The following IMMP2L variants were observed in gnomAD, a reference collection of about 807,000 sequenced individuals.
IMMP2L encodes the protein inner mitochondrial membrane peptidase subunit 2.
IMMP2L carries 18 observed loss-of-function variants against 19.3 expected under a neutral mutation model. The observed-to-expected ratio is 0.93, with a 90% CI of 0.64 to 1.38. The LOEUF (loss-of-function observed/expected upper bound fraction) is 1.38. Among genes scored for constraint, IMMP2L ranks in the 40% most tolerant of loss-of-function variants. IMMP2L has a pLI of 0.00. For synonymous variants in IMMP2L, 76 were observed against 73.0 expected (o/e 1.04, Z -0.21); for missense variants, 233 against 218.2 (o/e 1.07, Z -0.43).
At position 110,877,664 on chromosome 7, in the gene IMMP2L, A is replaced by G. The variant is rs896097549; in HGVS notation, c.408+8929T>C. The stretch of plus-strand genomic sequence containing the variant: ...AGCTATTTTGAGCCAGACTGCGCTT[A>G]GGCCTCGGCAAGAGGCACTACTTTT... On this transcript the variant is annotated intron_variant, in intron 5 of 5. Transcript: ENST00000405709. This position sits in a 1 kb window ranked among gnomAD's most constrained non-coding sequence, Gnocchi z 4.0. Among the ~76,000 whole-genome samples, 2 of 152,156 alleles carry G rather than the reference A, an allele frequency of 1.3e-5. No homozygotes were observed. The highest frequency in any genetic ancestry group is 6.6e-5 in the Admixed American group (1 of 15,256).
chr7:111,388,878 A>G (rs1359614950), intron 3 of IMMP2L, among the ~76,000 whole-genome samples: 1 of 152,154 alleles, frequency 6.6e-6, no homozygotes, highest in Non-Finnish European at 1.5e-5. Context: ...AAGCCATATC[A>G]ATATATGTAT....
chr7:111,537,591 C>G (rs190797784), intron 1 of IMMP2L, among the ~76,000 whole-genome samples: 2 of 139,272 alleles, frequency 1.4e-5, no homozygotes, highest in East Asian at 4.2e-4. Flanking sequence ...GCTGGAGTGC[C>G]GTGGTGCGAC....
chr7:110,987,327 G>A (rs1821964784), intron 3 of IMMP2L, among the ~76,000 whole-genome samples: 1 of 152,164 alleles, frequency 6.6e-6, no homozygotes, highest in Non-Finnish European at 1.5e-5. Context: ...CTATTGGCAA[G>A]GCACTGCATT....
At chr7:111,505,471 T>C (rs1318875130) in intron 2 of IMMP2L, among the ~76,000 whole-genome samples, 4 of 152,146 alleles carry the variant, frequency 2.6e-5, no homozygotes, top group Non-Finnish European at 5.9e-5. Context: ...ATCCCATTGC[T>C]GGGTATATAC....
intron 5 of IMMP2L, among the ~76,000 whole-genome samples, chr7:110,868,047 C>T (rs961870278): frequency 7.3e-5 from 11 of 151,400 alleles, no homozygotes; most frequent in African/African-American, 1.2e-4. Context: ...TTCAGAGAGA[C>T]GCAAACTCAA....
At chr7:111,472,997 G>A (rs775201304) in intron 3 of IMMP2L, among the ~76,000 whole-genome samples, 1 of 151,936 alleles carries the variant, frequency 6.6e-6, no homozygotes, top group Non-Finnish European at 1.5e-5. Context: ...AATGAATGAA[G>A]ATTATTTGAT....
chr7:110,913,514 T>C (rs1207601243), intron 4 of IMMP2L, among the ~76,000 whole-genome samples: 1 of 151,998 alleles, frequency 6.6e-6, no homozygotes, highest in African/African-American at 2.4e-5. Context: ...AGGACCTGCA[T>C]AGACATTTTT....
intron 3 of IMMP2L, among the ~76,000 whole-genome samples, chr7:110,998,456 T>C (rs1365466886): frequency 6.6e-6 from 1 of 152,200 alleles, no homozygotes; most frequent in Non-Finnish European, 1.5e-5. Context: ...TCTCTTGCTA[T>C]GAAATTGAAT....
At chr7:110,690,247 C>T (rs78613660) in intron 5 of IMMP2L, among the ~76,000 whole-genome samples, 32,970 of 152,066 alleles carry the variant, frequency 0.22, 4,255 homozygotes, top group African/African-American at 0.35. Flanking sequence ...AGCTTCACGT[C>T]TTCTTTTTGT....
chr7:111,174,541 T>A (rs1285612276), intron 3 of IMMP2L, among the ~76,000 whole-genome samples: 1 of 151,772 alleles, frequency 6.6e-6, no homozygotes, highest in African/African-American at 2.4e-5. Flanking sequence ...ACGGGAAATA[T>A]ACAGCCTAAA....
intron 2 of IMMP2L, among the ~76,000 whole-genome samples, chr7:111,505,759 G>A (rs949149604): frequency 2.0e-5 from 3 of 150,590 alleles, no homozygotes; most frequent in Non-Finnish European, 4.4e-5. Context: ...TCATAGGTGG[G>A]AATTGAACAA....
chr7:110,865,758 C>A (rs1807917992), intron 5 of IMMP2L, among the ~76,000 whole-genome samples: 1 of 151,936 alleles, frequency 6.6e-6, no homozygotes, highest in Non-Finnish European at 1.5e-5. Flanking sequence ...GCATTTAAGA[C>A]AGCTTTTCAT....
intron 1 of IMMP2L, among the ~76,000 whole-genome samples, chr7:111,537,514 C>T (rs948469565): frequency 6.8e-5 from 10 of 146,502 alleles, no homozygotes; most frequent in African/African-American, 2.5e-4. Flanking sequence ...GATTCCTAGT[C>T]TCATCACTTC....
chr7:111,258,105 T>C (rs887899474), intron 3 of IMMP2L, among the ~76,000 whole-genome samples: 7 of 152,136 alleles, frequency 4.6e-5, no homozygotes, highest in Non-Finnish European at 1.0e-4. Flanking sequence ...TGATATGTAA[T>C]TACTAAACCC....
chr7:111,035,370 A>C (rs1048234689), intron 3 of IMMP2L, among the ~76,000 whole-genome samples: 1 of 152,208 alleles, frequency 6.6e-6, no homozygotes, highest in Non-Finnish European at 1.5e-5. Flanking sequence ...CAAGCAAGAA[A>C]TAGAAGATAA....
intron 3 of IMMP2L, among the ~76,000 whole-genome samples, chr7:111,325,696 G>A (rs1393286012): frequency 6.6e-6 from 1 of 151,634 alleles, no homozygotes; most frequent in African/African-American, 2.4e-5. Context: ...ATCAAAGGAT[G>A]TAAATTTTAA....
At chr7:111,096,508 T>TAAAAAA (rs5886589) in intron 3 of IMMP2L, among the ~76,000 whole-genome samples, 2 of 144,778 alleles carry the variant, frequency 1.4e-5, no homozygotes, top group African/African-American at 2.5e-5. Context: ...GAGTTAAATT[T>TAAAAAA]AAAAAAAAAA....
chr7:110,977,404 G>A (rs773897323), intron 3 of IMMP2L, among the ~76,000 whole-genome samples: 3 of 151,830 alleles, frequency 2.0e-5, no homozygotes, highest in Non-Finnish European at 2.9e-5. Context: ...AAACATAAGC[G>A]GCCGAGCATC....
chr7:111,511,316 G>A (rs76136113), intron 2 of IMMP2L, among the ~76,000 whole-genome samples: 3,116 of 151,950 alleles, frequency 0.021, 109 homozygotes, highest in African/African-American at 0.071. Context: ...CAGGCACTAG[G>A]GAATCCTGCA....
Sources: allele counts gnomAD v4.1 joint callset (sites outside exome capture counted in the v4.1 genomes callset), GRCh38; gene constraint gnomAD v4.1.1; non-coding constraint Gnocchi (gnomAD v3.1); transcripts MANE v1.5; gene names NCBI Gene and HGNC (gene_info 2026-07-23, HGNC 2026-07-21).